Variants in CCDC3 observed in about 807,000 individuals in gnomAD.
CCDC3 encodes the protein coiled-coil domain containing 3, also known as coiled-coil domain-containing protein 3.
CCDC3 carries 24 observed loss-of-function variants against 21.4 expected under a neutral mutation model. The ratio of observed to expected loss-of-function variants is 1.12; its 90% CI spans 0.81 to 1.58. The LOEUF (loss-of-function observed/expected upper bound fraction) is 1.58, where lower values mean the gene tolerates loss of function less well. Ranked by LOEUF, CCDC3 falls within the 40% of genes most tolerant of loss-of-function variation. The probability of loss-of-function intolerance (pLI) is 0.00; values close to 1 mark genes in which losing one functional copy is unlikely to be tolerated. For synonymous variants in CCDC3, 186 were observed against 166.0 expected, an observed-to-expected ratio of 1.12 and a Z score of -0.93; for missense variants, 425 against 360.9, an observed-to-expected ratio of 1.18 and a Z score of -1.44.
chr10:12,919,406 A>G (rs1834411182), intron 2 of CCDC3, among the ~76,000 whole-genome samples: 1 of 152,214 alleles, frequency 6.6e-6, no homozygotes, highest in African/African-American at 2.4e-5. Context: ...CCTGGCCAAC[A>G]TGGTGAAACC....
At chr10:12,916,230 G>A (rs1834351579) in intron 2 of CCDC3, among the ~76,000 whole-genome samples, 1 of 152,120 alleles carries the variant, frequency 6.6e-6, no homozygotes, top group Non-Finnish European at 1.5e-5. Context: ...GCAGGCGATT[G>A]AGACCAGCCT....
At chr10:12,922,802 C>G (rs952196508) in intron 2 of CCDC3, among the ~76,000 whole-genome samples, 20 of 152,126 alleles carry the variant, frequency 1.3e-4, no homozygotes, top group Non-Finnish European at 1.5e-5. Flanking sequence ...GCAGAAAATG[C>G]CCACTTAGAT....
chr10:13,051,676 A>G (rs1588406924), intron 4 of CCDC3, among the ~76,000 whole-genome samples: 1 of 152,140 alleles, frequency 6.6e-6, no homozygotes, highest in Non-Finnish European at 1.5e-5. Flanking sequence ...AGTCTGGGCA[A>G]GGCTGGGGTA....
In CCDC3 at chr10:12,945,830, A is replaced by G. The variant is rs1420325080; in HGVS notation, c.550-47151T>C. Among the ~76,000 whole-genome samples the G allele has an allele frequency of 2.0e-5, 3 of 152,222 alleles. No individual in the cohort carries two copies. The South Asian group carries it at 6.2e-4, about 32-fold the overall frequency. The stretch of plus-strand genomic sequence containing the variant: ...AACTATGTTCAAGTTATTTAAGATA[A>G]CAAGGTTGCCTTTGACTATCTGTTG... On this transcript the variant is annotated intron_variant, in intron 2 of 2. Transcript: ENST00000378825.
At chr10:13,055,334 TTC>T (rs543043807) in intron 4 of CCDC3, among the ~76,000 whole-genome samples, 43 of 148,262 alleles carry the variant, frequency 2.9e-4, no homozygotes, top group Non-Finnish European at 4.6e-4. Context: ...CAGAATCCAC[TTC>T]TTTTTTTTTT....
chr10:12,918,945 C>T (rs1834402357), intron 2 of CCDC3, among the ~76,000 whole-genome samples: 1 of 152,136 alleles, frequency 6.6e-6, no homozygotes, highest in African/African-American at 2.4e-5. Flanking sequence ...GTCCCAGCTA[C>T]TCGGGAGGCT....
chr10:13,097,787 A>G (rs1444238660), intron 3 of CCDC3, among the ~76,000 whole-genome samples: 2 of 152,224 alleles, frequency 1.3e-5, no homozygotes, highest in Non-Finnish European at 2.9e-5. Context: ...GGGGATTTTC[A>G]AAAGGCTATT....
chr10:13,094,546 T>A lies in CCDC3; in HGVS notation c.-503+3979A>T, dbSNP rs1970174. 7.2e-5 allele frequency among the ~76,000 whole-genome samples: 11 copies of A among 152,042 alleles called. No individual in the cohort carries two copies. In the East Asian group the frequency reaches 7.8e-4, roughly 11 times the overall value. ...CTGGGATTACAGGTGTAAGCCACTGTGCCCGGCCTATTTCAAGATTTTTAA... is the reference window on the plus strand; with the variant it reads ...CTGGGATTACAGGTGTAAGCCACTGAGCCCGGCCTATTTCAAGATTTTTAA... On this transcript the variant is annotated intron_variant, in intron 3 of 6. Transcript: ENST00000378839.
upstream of CCDC3, among the ~76,000 whole-genome samples, chr10:13,002,718 C>A (rs1835874673): frequency 6.6e-6 from 1 of 152,194 alleles, no homozygotes; most frequent in Non-Finnish European, 1.5e-5. Context: ...TGCTATTAGT[C>A]TCCCAGGGCT....
chr10:13,075,905 A>AAAATT (rs1161676117), intron 3 of CCDC3, among the ~76,000 whole-genome samples: 8 of 152,108 alleles, frequency 5.3e-5, no homozygotes, highest in Non-Finnish European at 1.0e-4. Context: ...AAAATAAAAT[A>AAAATT]AAATAAAAAT....
chr10:12,933,705 G>T (rs938906637), intron 2 of CCDC3, among the ~76,000 whole-genome samples: 2 of 152,036 alleles, frequency 1.3e-5, no homozygotes, highest in African/African-American at 2.4e-5. Flanking sequence ...TGATCCGCCC[G>T]ACTCGGCCTC....
At chr10:13,073,007 C>T (rs1836905055) in intron 4 of CCDC3, among the ~76,000 whole-genome samples, 1 of 151,788 alleles carries the variant, frequency 6.6e-6, no homozygotes, top group East Asian at 1.9e-4. Context: ...GCTGGGATTA[C>T]AGGCATGTGC....
At chr10:13,000,989 C>G (rs1835840225) in intron 1 of CCDC3, among the ~76,000 whole-genome samples, 1 of 152,208 alleles carries the variant, frequency 6.6e-6, no homozygotes, top group Non-Finnish European at 1.5e-5. Flanking sequence ...GTCTTTTAAA[C>G]CGCCTTAACC....
chr10:12,999,276 A>C (rs1835810888), intron 1 of CCDC3, among the ~76,000 whole-genome samples: 1 of 152,182 alleles, frequency 6.6e-6, no homozygotes. Context: ...AATAGTACCT[A>C]CTTTTCTGGT....
At chr10:13,052,387 T>C (rs1836618932) in intron 4 of CCDC3, among the ~76,000 whole-genome samples, 1 of 152,080 alleles carries the variant, frequency 6.6e-6, no homozygotes, top group Non-Finnish European at 1.5e-5. Flanking sequence ...TTTAAAAACA[T>C]CTCCAAGCTT....
chr10:12,945,666 T>TAAAGAAAAACC (rs1215414762), intron 2 of CCDC3, among the ~76,000 whole-genome samples: 13 of 152,168 alleles, frequency 8.5e-5, no homozygotes, highest in Non-Finnish European at 1.3e-4. Context: ...GGGTAAAAGG[T>TAAAGAAAAACC]TTTTCTTTAC....
intron 2 of CCDC3, among the ~76,000 whole-genome samples, chr10:12,988,734 C>T (rs1285938765): frequency 6.6e-6 from 1 of 152,146 alleles, no homozygotes. Context: ...ACTGTCTCTC[C>T]CTCATCCCAC....
chr10:13,004,320 T>C (rs1462302274), upstream of CCDC3, among the ~76,000 whole-genome samples: 1 of 152,166 alleles, frequency 6.6e-6, no homozygotes, highest in African/African-American at 2.4e-5. Flanking sequence ...TGCTTCCAGG[T>C]GATGGGACAT....
intron 2 of CCDC3, among the ~76,000 whole-genome samples, chr10:12,928,813 C>G (rs1372776228): frequency 1.3e-5 from 2 of 152,296 alleles, no homozygotes; most frequent in African/African-American, 2.4e-5. Flanking sequence ...GTTCCAGCAT[C>G]TCTCCAAAGA....
Sources: allele counts gnomAD v4.1 joint callset (sites outside exome capture counted in the v4.1 genomes callset), GRCh38; gene constraint gnomAD v4.1.1; transcripts MANE v1.5; gene names NCBI Gene and HGNC (gene_info 2026-07-23, HGNC 2026-07-21).